SCUBE1: variants seen among roughly 807,000 people sequenced by gnomAD.
The protein encoded by SCUBE1 is signal peptide, CUB and EGF-like domain-containing protein 1.
Under a neutral mutation model 124.4 loss-of-function variants are expected in SCUBE1, and 59 were observed. The observed-to-expected ratio is 0.47, with a 90% confidence interval of 0.38 to 0.59. The LOEUF (loss-of-function observed/expected upper bound fraction) is 0.59, where lower values mean the gene tolerates loss of function less well. Among genes scored for constraint, SCUBE1 ranks in the 20% least tolerant of loss-of-function variants. The pLI is 0.00. For missense variants in SCUBE1, 1,150 were observed against 1,371.2 expected, an observed-to-expected ratio of 0.84 and a Z score of 2.55; for synonymous variants, 545 against 550.9, an observed-to-expected ratio of 0.99 and a Z score of 0.15.
rs1921514119 is a variant in SCUBE1, at chr22:43,210,811, G to A, written c.2383+111C>T. 7.8e-7 allele frequency: 1 copy of A among 1,278,346 alleles called. No individual in the cohort carries two copies. Among genetic ancestry groups the A allele is most frequent in the African/African-American group, 1.5e-5 (1 of 68,642 alleles). The allele number at this position is 1,278,346 out of a possible 1,614,324, so 79.2% of individuals were successfully genotyped here. A position where few individuals can be genotyped will look rare whatever the true frequency, so the allele number is the denominator to read the frequency against. On this transcript the variant is annotated intron_variant, in intron 18 of 21. Transcript: ENST00000360835. This position sits in a 1 kb window ranked among gnomAD's most constrained non-coding sequence, Gnocchi z 4.5. ...GAGAGCAGACGGGACGGAGCGGGAG[G>A]AGTCCAGTGTCCTCGTGGAGCTCGT...
chr22:43,266,490 G>A (rs1924071328), intron 4 of SCUBE1, among the ~76,000 whole-genome samples: 1 of 152,188 alleles, frequency 6.6e-6, no homozygotes, highest in Non-Finnish European at 1.5e-5. Flanking sequence ...TAGGCTCCGT[G>A]GCTGGCGGAA....
At chr22:43,292,014 C>A (rs1354700600) in intron 3 of SCUBE1, among the ~76,000 whole-genome samples, 1 of 152,134 alleles carries the variant, frequency 6.6e-6, no homozygotes, top group Non-Finnish European at 1.5e-5. Flanking sequence ...GAAGACACAG[C>A]AGCCTGCAGC....
chr22:43,215,318 G>C (rs567073776), intron 15 of SCUBE1, among the ~76,000 whole-genome samples: 29 of 152,302 alleles, frequency 1.9e-4, no homozygotes, highest in Admixed American at 7.8e-4. Flanking sequence ...GGATCACCAC[G>C]CAATGAGTAA....
chr22:43,262,686 G>C (rs558703180), intron 5 of SCUBE1, 34 bp downstream of exon 5: 2 of 1,608,672 alleles, frequency 1.2e-6, no homozygotes, highest in South Asian at 2.2e-5. Flanking sequence ...GGAGACGCAC[G>C]GGACGTTTGA....
chr22:43,307,841 T>C (rs559271373), intron 3 of SCUBE1, among the ~76,000 whole-genome samples: 2 of 152,318 alleles, frequency 1.3e-5, no homozygotes, highest in African/African-American at 4.8e-5. Flanking sequence ...AACTGAGGCA[T>C]AAAGAGGCAG....
intron 4 of SCUBE1, among the ~76,000 whole-genome samples, chr22:43,275,380 T>C (rs969864397): frequency 6.6e-6 from 1 of 152,314 alleles, no homozygotes; most frequent in East Asian, 1.9e-4. Context: ...TGTGAACGGA[T>C]GATGCACACA....
intron 3 of SCUBE1, among the ~76,000 whole-genome samples, chr22:43,299,219 T>C (rs1384319525): frequency 1.3e-5 from 2 of 152,166 alleles, no homozygotes; most frequent in African/African-American, 4.8e-5. Context: ...GGTAATGTAC[T>C]CTGCACAGCG....
intron 2 of SCUBE1, among the ~76,000 whole-genome samples, chr22:43,323,375 A>G (rs1926620587): frequency 6.6e-6 from 1 of 151,850 alleles, no homozygotes; most frequent in East Asian, 1.9e-4. Flanking sequence ...TATCTACTCA[A>G]CCATTCTTCC....
rs372966485 is a variant in SCUBE1 at position 43,229,027 on chromosome 22, C to T, written c.1084+45G>A. On this transcript the variant is annotated intron_variant, in intron 9 of 21. Coordinates refer to ENST00000360835, the MANE Select transcript of SCUBE1 (RefSeq NM_173050.5). ...CAGTGTAGGTGGCCGTGCGGCCAGG[C>T]GCGTGCCTCGGGGGGGAGGTGGCCC... is the stretch of plus-strand genomic sequence containing the variant. The T allele has an allele frequency of 4.9e-6, 7 of 1,415,764 alleles. No individual in the cohort carries two copies. In the Admixed American group the frequency reaches 5.4e-5, roughly 11 times the overall value. The allele number at this position is 1,415,764 out of a possible 1,614,324, so 87.7% of individuals were successfully genotyped here. A position where few individuals can be genotyped will look rare whatever the true frequency, so the allele number is the denominator to read the frequency against.
At chr22:43,273,175 G>A (rs1049085889) in intron 4 of SCUBE1, among the ~76,000 whole-genome samples, 2 of 152,290 alleles carry the variant, frequency 1.3e-5, no homozygotes, top group East Asian at 1.9e-4. Flanking sequence ...ACTGCCATGC[G>A]GTTCACTGGC....
At chr22:43,229,236 G>A in intron 8 of SCUBE1, 48 bp from the exon 9 acceptor site, 1 of 1,111,762 alleles carries the variant, frequency 9.0e-7, no homozygotes, top group East Asian at 2.4e-5. Context: ...TTGAGGGAGT[G>A]GTGGGTGGGC....
intron 15 of SCUBE1, among the ~76,000 whole-genome samples, chr22:43,218,030 CCCT>C (rs71721803): frequency 0.27 from 40,738 of 151,920 alleles, 7,396 homozygotes; most frequent in East Asian, 0.52. Flanking sequence ...CACTCCTTGT[CCCT>C]CCTCAGACTG....
intron 6 of SCUBE1, among the ~76,000 whole-genome samples, chr22:43,246,322 C>T (rs1031380231): frequency 4.6e-5 from 7 of 152,120 alleles, no homozygotes; most frequent in African/African-American, 1.7e-4. Flanking sequence ...TGGCCGTGCC[C>T]CAGGAGGCTT....
intron 4 of SCUBE1, among the ~76,000 whole-genome samples, chr22:43,287,190 T>C (rs1273042951): frequency 6.6e-6 from 1 of 152,116 alleles, no homozygotes; most frequent in Non-Finnish European, 1.5e-5. Context: ...ACTGGCCAGA[T>C]TCCAACATCT....
chr22:43,212,410 G>T lies in SCUBE1; in HGVS notation c.2221+15C>A. On this transcript the variant is annotated intron_variant, in intron 17 of 21. Coordinates refer to ENST00000360835, the MANE Select transcript of SCUBE1 (RefSeq NM_173050.5). ...CTCTCGGGGTGGGCGGGCGTGGTGGGGAGGGCATGCTCACCTTTAGCCTCG... is the reference window on the plus strand; with the variant it reads ...CTCTCGGGGTGGGCGGGCGTGGTGGTGAGGGCATGCTCACCTTTAGCCTCG... The T allele has an allele frequency of 6.5e-7, 1 of 1,548,940 alleles. No individual in the cohort carries two copies. The highest frequency in any genetic ancestry group is 8.7e-7 in the Non-Finnish European group (1 of 1,146,370).
chr22:43,225,637 G>A (rs1922272061), intron 10 of SCUBE1, among the ~76,000 whole-genome samples: 1 of 151,428 alleles, frequency 6.6e-6, no homozygotes, highest in Admixed American at 6.6e-5. Flanking sequence ...TAGGTGATCT[G>A]GTGATCTGCC....
In SCUBE1 at chr22:43,210,518, T is replaced by C. The variant is rs886542268; in HGVS notation, c.2384-278A>G. Among the ~76,000 whole-genome samples, 7 of 152,278 alleles carry C rather than the reference T, an allele frequency of 4.6e-5. No homozygotes were observed. Among genetic ancestry groups the C allele is most frequent in the Non-Finnish European group, 1.0e-4 (7 of 67,992 alleles). ...CTGCCATGCCTGCAGGCCCACCCTA[T>C]TTCTCTGTGGCTGGGCCTTGTCAGG... On this transcript the variant is annotated intron_variant, in intron 18 of 21. Transcript: ENST00000360835. This position sits in a 1 kb window ranked among gnomAD's most constrained non-coding sequence, Gnocchi z 4.5.
intron 4 of SCUBE1, among the ~76,000 whole-genome samples, chr22:43,273,524 TG>T (rs1924371967): frequency 6.7e-6 from 1 of 150,312 alleles, no homozygotes; most frequent in Admixed American, 6.6e-5. Context: ...TAGAACTTGT[TG>T]TTGCCTAATT....
Position 43,212,318 on chromosome 22 carries a change from G to C in SCUBE1, c.2221+107C>G, listed in dbSNP as rs1921598364. Reference sequence around the variant, plus strand: ...CAGCTCCAGGCTCCTCCTCTGAGCTGGGAGGTTCGCCACATGGAGGAGATG... The same window carrying C: ...CAGCTCCAGGCTCCTCCTCTGAGCTCGGAGGTTCGCCACATGGAGGAGATG... On this transcript the variant is annotated intron_variant, in intron 17 of 21. Transcript: ENST00000360835. 7.9e-6 allele frequency: 10 copies of C among 1,266,194 alleles called. No individual in the cohort carries two copies. The South Asian group carries it at 1.2e-4, about 15-fold the overall frequency. The allele number at this position is 1,266,194 out of a possible 1,614,324, so 78.4% of individuals were successfully genotyped here. A position where few individuals can be genotyped will look rare whatever the true frequency, so the allele number is the denominator to read the frequency against.
Sources: allele counts gnomAD v4.1 joint callset (sites outside exome capture counted in the v4.1 genomes callset), GRCh38; gene constraint gnomAD v4.1.1; non-coding constraint Gnocchi (gnomAD v3.1); transcripts MANE v1.5; gene names NCBI Gene and HGNC (gene_info 2026-07-23, HGNC 2026-07-21).